Variants in CELF5 observed in about 807,000 individuals in gnomAD.
CELF5 encodes the protein CUG-BP and ETR-3 like factor 5.
Under a neutral mutation model 54.9 loss-of-function variants are expected in CELF5, and 6 were observed. That is an observed-to-expected ratio of 0.11 (90% confidence interval 0.06 to 0.22). The LOEUF is 0.22. Ranked by LOEUF, CELF5 falls within the 10% of genes least tolerant of loss-of-function variation. CELF5 has a pLI of 1.00. For synonymous variants in CELF5, 271 were observed against 290.9 expected, an observed-to-expected ratio of 0.93 and a Z score of 0.70; for missense variants, 401 against 678.6, an observed-to-expected ratio of 0.59 and a Z score of 4.54.
chr19:3,284,259 T>C (rs1338536463), intron 8 of CELF5, among the ~76,000 whole-genome samples: 1 of 152,068 alleles, frequency 6.6e-6, no homozygotes, highest in Non-Finnish European at 1.5e-5. Context: ...ACAGTGAAGA[T>C]ACAGAACTGC....
At chr19:3,252,279 C>T (rs2079661985) in intron 2 of CELF5, among the ~76,000 whole-genome samples, 1 of 152,118 alleles carries the variant, frequency 6.6e-6, no homozygotes, top group Admixed American at 6.6e-5. Context: ...AAGCGTTCCT[C>T]CTGCTTCGGC....
At position 3,238,669 on chromosome 19, in the gene CELF5, C is replaced by T. The variant is rs560881355; in HGVS notation, c.260-12316C>T. 2.6e-5 allele frequency among the ~76,000 whole-genome samples: 4 copies of T among 152,226 alleles called. No homozygotes were observed. The East Asian group carries it at 5.8e-4, about 22-fold the overall frequency. On this transcript the variant is annotated intron_variant, in intron 1 of 12. Transcript: ENST00000292672. ...ACTTGAGGCCGGGTGTGGTGGCTCACGCCTGTAATCCCAGCACTTTGGGAG... is the reference window on the plus strand; with the variant it reads ...ACTTGAGGCCGGGTGTGGTGGCTCATGCCTGTAATCCCAGCACTTTGGGAG...
In CELF5 at chr19:3,228,875, C is replaced by CGTGTGTGT. The variant is rs60632293; in HGVS notation, c.259+3910_259+3917dup. ...GGGGGTGGCTGGCAGGGTTGGCCGG[C>CGTGTGTGT]GTGTGTGTGTGTGTGTGTGTGTGTG... is the stretch of plus-strand genomic sequence containing the variant. On this transcript the variant is annotated intron_variant, in intron 1 of 12. Coordinates refer to ENST00000292672, the MANE Select transcript of CELF5 (RefSeq NM_021938.4). The surrounding 1 kb of genome is among the most constrained non-coding windows in gnomAD (Gnocchi z 6.0). Among the ~76,000 whole-genome samples, 158 of 124,180 alleles carry CGTGTGTGT rather than the reference C, an allele frequency of 1.3e-3. No individual in the cohort carries two copies. The Middle Eastern group carries it at 0.014, about 11-fold the overall frequency. 81.5% of individuals were successfully genotyped at this position (124,180 alleles called of 152,430 possible).
rs542829165 is a variant in CELF5 at position 3,232,998 on chromosome 19, C to T, written c.259+8000C>T. ...CTGAGGCAAGAGAATCGCTTGAACCCGGGAGGCAGAGGTTGTGGTGAGCTG... is the reference window on the plus strand; with the variant it reads ...CTGAGGCAAGAGAATCGCTTGAACCTGGGAGGCAGAGGTTGTGGTGAGCTG... On this transcript the variant is annotated intron_variant, in intron 1 of 12. Transcript: ENST00000292672. Among the ~76,000 whole-genome samples the T allele has an allele frequency of 5.9e-5, 9 of 151,604 alleles. No homozygotes were observed. The South Asian group carries it at 1.0e-3, about 18-fold the overall frequency.
intron 10 of CELF5, among the ~76,000 whole-genome samples, chr19:3,289,532 A>T (rs1358012287): frequency 3.3e-5 from 5 of 151,802 alleles, no homozygotes; most frequent in African/African-American, 1.2e-4. Context: ...AAATACAAAA[A>T]TTATCCGGGC....
chr19:3,291,807 G>A (rs1317168125), intron 11 of CELF5, among the ~76,000 whole-genome samples: 1 of 152,078 alleles, frequency 6.6e-6, no homozygotes, highest in African/African-American at 2.4e-5. Flanking sequence ...CCAGGGCCTT[G>A]TGAGCCTCAG....
At position 3,278,769 on chromosome 19, in the gene CELF5, C is replaced by T. The variant is rs919427378; in HGVS notation, c.603+659C>T. Among the ~76,000 whole-genome samples the T allele has an allele frequency of 4.6e-5, 7 of 151,686 alleles. No individual in the cohort carries two copies. Among genetic ancestry groups the T allele is most frequent in the African/African-American group, 1.7e-4 (7 of 41,244 alleles). The stretch of plus-strand genomic sequence containing the variant: ...TTGTGTACACGTTTGTGAGTATATG[C>T]AGGTCTGTGTGAGTATAGGTTGTGA... On this transcript the variant is annotated intron_variant, in intron 5 of 12. Coordinates refer to ENST00000292672, the MANE Select transcript of CELF5 (RefSeq NM_021938.4). This position sits in a 1 kb window ranked among gnomAD's most constrained non-coding sequence, Gnocchi z 4.5.
chr19:3,247,613 C>G (rs541725757), intron 1 of CELF5, among the ~76,000 whole-genome samples: 24 of 150,852 alleles, frequency 1.6e-4, no homozygotes, highest in Admixed American at 9.2e-4. Context: ...TGTCTTGGGT[C>G]GAGACATAGA....
At position 3,293,151 on chromosome 19, in the gene CELF5, A is replaced by G. The variant is rs150379493; in HGVS notation, c.1331-168A>G. Reference sequence around the variant, plus strand: ...GGTATACAAGTCCAGAGGTGTCAGAACAAAGCCAGGGCTGCTGTGTGTCCT... The same window carrying G: ...GGTATACAAGTCCAGAGGTGTCAGAGCAAAGCCAGGGCTGCTGTGTGTCCT... On this transcript the variant is annotated intron_variant, in intron 11 of 12. Coordinates refer to ENST00000292672, the MANE Select transcript of CELF5 (RefSeq NM_021938.4). 4.9e-3 allele frequency among the ~76,000 whole-genome samples: 752 copies of G among 152,246 alleles called. 4 individuals are homozygous for G. Among genetic ancestry groups the G allele is most frequent in the African/African-American group, 0.014 (592 of 41,540 alleles).
At chr19:3,294,770 G>C (rs1035583207) in intron 12 of CELF5, 1 of 152,234 alleles carries the variant, frequency 6.6e-6, no homozygotes, top group African/African-American at 2.4e-5. Context: ...TAGATGGCAG[G>C]GGGTAGGGAA....
At chr19:3,263,803 G>A (rs776694575) in intron 2 of CELF5, among the ~76,000 whole-genome samples, 13 of 151,100 alleles carry the variant, frequency 8.6e-5, no homozygotes, top group Non-Finnish European at 1.5e-4. Flanking sequence ...TACTCAGGAG[G>A]CTGAAGAAGG....
chr19:3,265,802 T>C (rs1391042246), intron 2 of CELF5, among the ~76,000 whole-genome samples: 1 of 152,172 alleles, frequency 6.6e-6, no homozygotes, highest in Non-Finnish European at 1.5e-5. Context: ...TCTTTTCTTT[T>C]TCTTTTTTTC....
chr19:3,274,931 C>T (rs901633114), intron 3 of CELF5, among the ~76,000 whole-genome samples: 6 of 151,970 alleles, frequency 3.9e-5, no homozygotes, highest in Admixed American at 1.3e-4. Flanking sequence ...CTCTGTATCT[C>T]CTTCTCCTTT....
intron 2 of CELF5, 63 bp downstream of exon 2, chr19:3,251,130 G>T: frequency 1.6e-6 from 2 of 1,245,218 alleles, no homozygotes; most frequent in Non-Finnish European, 2.4e-6. Context: ...TGGGGTGGGA[G>T]CCAAGGCTCT....
At chr19:3,258,250 G>T (rs1009992266) in intron 2 of CELF5, among the ~76,000 whole-genome samples, 3 of 151,978 alleles carry the variant, frequency 2.0e-5, no homozygotes, top group Non-Finnish European at 4.4e-5. Flanking sequence ...GAGCCACCAC[G>T]CCCAGCCCTG....
chr19:3,294,991 T>TCCA (rs1212643809), intron 12 of CELF5: 1 of 152,190 alleles, frequency 6.6e-6, no homozygotes, highest in African/African-American at 2.4e-5. Context: ...GGAGGTGGTG[T>TCCA]CCACCTGTGT....
At chr19:3,248,497 G>A (rs945060442) in intron 1 of CELF5, among the ~76,000 whole-genome samples, 3 of 151,712 alleles carry the variant, frequency 2.0e-5, no homozygotes, top group Non-Finnish European at 4.4e-5. Context: ...TTATTTCACC[G>A]AGCATGGTGT....
At chr19:3,249,577 G>T (rs1279233858) in intron 1 of CELF5, among the ~76,000 whole-genome samples, 2 of 150,400 alleles carry the variant, frequency 1.3e-5, no homozygotes, top group African/African-American at 4.9e-5. Context: ...CCCGCCCCTT[G>T]CCTCCCATCC....
intron 1 of CELF5, among the ~76,000 whole-genome samples, chr19:3,232,840 C>T (rs973908155): frequency 6.6e-6 from 1 of 151,762 alleles, no homozygotes; most frequent in African/African-American, 2.4e-5. Context: ...TTTGGGAGGC[C>T]GAGGTGGGTG....
Sources: allele counts gnomAD v4.1 joint callset (sites outside exome capture counted in the v4.1 genomes callset), GRCh38; gene constraint gnomAD v4.1.1; non-coding constraint Gnocchi (gnomAD v3.1); transcripts MANE v1.5; gene names NCBI Gene and HGNC (gene_info 2026-07-23, HGNC 2026-07-21).